The following CCDC146 variants were observed in gnomAD, a reference collection of about 807,000 sequenced individuals.
CCDC146 encodes coiled-coil domain containing 146, also known as coiled-coil domain-containing protein 146.
A neutral mutation model predicts 119.3 loss-of-function variants in CCDC146; 92 were observed. The ratio of observed to expected loss-of-function variants is 0.77; its 90% CI spans 0.65 to 0.92. The LOEUF is 0.92. CCDC146 is among the 40% of genes least tolerant of loss of function. The pLI, the probability that CCDC146 is intolerant of heterozygous loss-of-function variation, is 0.00. For synonymous variants in CCDC146, 372 were observed against 371.8 expected, an observed-to-expected ratio of 1.00 and a Z score of -0.01; for missense variants, 1,000 against 1,103.0, an observed-to-expected ratio of 0.91 and a Z score of 1.32.
intron 2 of CCDC146, among the ~76,000 whole-genome samples, chr7:77,218,735 AT>A (rs1183573656): frequency 3.3e-5 from 5 of 149,468 alleles, no homozygotes; most frequent in African/African-American, 7.4e-5. Flanking sequence ...AATAACTGCC[AT>A]TTTTTTTTAT....
At chr7:77,237,474 G>A (rs546048053) in intron 3 of CCDC146, among the ~76,000 whole-genome samples, 1 of 152,312 alleles carries the variant, frequency 6.6e-6, no homozygotes, top group Admixed American at 6.5e-5. Flanking sequence ...CAGGCGGAGG[G>A]ACACAGGTGC....
chr7:77,237,996 C>G (rs1792770284), intron 3 of CCDC146, among the ~76,000 whole-genome samples: 1 of 152,228 alleles, frequency 6.6e-6, no homozygotes, highest in East Asian at 1.9e-4. Context: ...AATTCCCAAT[C>G]ACTTCCCCTC....
At chr7:77,180,695 C>CA (rs1157765502) in intron 2 of CCDC146, among the ~76,000 whole-genome samples, 2 of 151,426 alleles carry the variant, frequency 1.3e-5, no homozygotes, top group East Asian at 1.9e-4. Context: ...GACCTCGTCT[C>CA]AAAAAAAAGA....
chr7:77,293,969 C>T (rs1356327989), intron 18 of CCDC146, among the ~76,000 whole-genome samples: 2 of 152,238 alleles, frequency 1.3e-5, no homozygotes, highest in Non-Finnish European at 2.9e-5. Flanking sequence ...ATAATTTCCA[C>T]ACCACCTGGG....
chr7:77,201,506 A>G (rs1172327338), intron 2 of CCDC146, among the ~76,000 whole-genome samples: 2 of 151,976 alleles, frequency 1.3e-5, no homozygotes, highest in African/African-American at 4.8e-5. Context: ...GTGAGCCTAG[A>G]TCGTACCACT....
At chr7:77,183,919 G>A (rs1012865636) in intron 2 of CCDC146, among the ~76,000 whole-genome samples, 13 of 152,080 alleles carry the variant, frequency 8.5e-5, no homozygotes, top group African/African-American at 2.2e-4. Context: ...AAAGTCTCTC[G>A]CTAAAATAAT....
intron 4 of CCDC146, among the ~76,000 whole-genome samples, chr7:77,252,702 A>G (rs937286352): frequency 2.6e-5 from 4 of 152,238 alleles, no homozygotes; most frequent in African/African-American, 9.6e-5. Context: ...ACAGAATAAG[A>G]AAAGGAGAAG....
At chr7:77,270,217 C>T (rs1444772597) in intron 9 of CCDC146, among the ~76,000 whole-genome samples, 3 of 152,026 alleles carry the variant, frequency 2.0e-5, no homozygotes, top group Non-Finnish European at 4.4e-5. Context: ...TGAAAGTTAC[C>T]GATGATTATT....
chr7:77,180,871 C>G (rs566671320), intron 2 of CCDC146, among the ~76,000 whole-genome samples: 5 of 152,296 alleles, frequency 3.3e-5, no homozygotes, highest in African/African-American at 1.2e-4. Flanking sequence ...TGTACTCATA[C>G]CAACACTGTG....
chr7:77,132,555 A>AG (rs1046025900), intron 1 of CCDC146, among the ~76,000 whole-genome samples: 1 of 120,932 alleles, frequency 8.3e-6, no homozygotes, highest in Non-Finnish European at 2.0e-5. Flanking sequence ...GATCTCTACA[A>AG]AAAAAAAAAA....
At chr7:77,135,113 T>C (rs1197352460) in intron 1 of CCDC146, among the ~76,000 whole-genome samples, 1 of 152,240 alleles carries the variant, frequency 6.6e-6, no homozygotes, top group Non-Finnish European at 1.5e-5. Flanking sequence ...ATAATTATCT[T>C]GTTTTTCTTA....
chr7:77,244,716 G>A (rs1230391280), intron 4 of CCDC146, among the ~76,000 whole-genome samples: 6 of 152,178 alleles, frequency 3.9e-5, no homozygotes, highest in South Asian at 2.1e-4. Flanking sequence ...CTAACGACGC[G>A]TCTCTCAGAA....
At chr7:77,208,764 G>A (rs1380757867) in intron 2 of CCDC146, among the ~76,000 whole-genome samples, 2 of 152,210 alleles carry the variant, frequency 1.3e-5, no homozygotes, top group Non-Finnish European at 2.9e-5. Context: ...GAATGCAGTA[G>A]CATGATCACA....
chr7:77,239,737 A>G (rs552895701), intron 3 of CCDC146, among the ~76,000 whole-genome samples: 1 of 152,320 alleles, frequency 6.6e-6, no homozygotes, highest in Non-Finnish European at 1.5e-5. Context: ...GGGAAAGAGG[A>G]ATCATATCTA....
At chr7:77,123,403 G>GGGGTGTGTGT (rs1379477523) in intron 1 of CCDC146, among the ~76,000 whole-genome samples, 5 of 125,196 alleles carry the variant, frequency 4.0e-5, no homozygotes, top group African/African-American at 1.5e-4. Context: ...GACCCTATAA[G>GGGGTGTGTGT]GTGTGTGTGT....
chr7:77,241,586 G>A, intron 3 of CCDC146, 105 bp from the exon 4 acceptor site: 1 of 908,544 alleles, frequency 1.1e-6, no homozygotes, highest in South Asian at 1.6e-5. Context: ...CCAGAGTTGA[G>A]TTGATCTGAG....
chr7:77,214,631 G>A (rs1434935854), intron 2 of CCDC146, among the ~76,000 whole-genome samples: 4 of 152,078 alleles, frequency 2.6e-5, no homozygotes, highest in Admixed American at 6.6e-5. Context: ...CAGGGGTACC[G>A]TTTCATTCTT....
intron 1 of CCDC146, among the ~76,000 whole-genome samples, chr7:77,145,890 T>C (rs934265139): frequency 5.9e-5 from 9 of 152,164 alleles, no homozygotes; most frequent in African/African-American, 1.7e-4. Flanking sequence ...AGAATGTATA[T>C]TCTGTTGATT....
At chr7:77,291,897 G>A (rs1182174531) in intron 17 of CCDC146, among the ~76,000 whole-genome samples, 2 of 152,326 alleles carry the variant, frequency 1.3e-5, no homozygotes, top group African/African-American at 4.8e-5. Context: ...CAGAACTTCT[G>A]CTGATTATCT....
Sources: gnomAD v4.1 joint callset for allele counts (sites outside exome capture counted in the v4.1 genomes callset) on GRCh38, gnomAD v4.1.1 for gene constraint, MANE v1.5 for transcripts, NCBI Gene and HGNC (gene_info 2026-07-23, HGNC 2026-07-21) for gene names.